The following LAMP2 variants were observed in gnomAD, a reference collection of about 807,000 sequenced individuals.
The protein encoded by LAMP2 is lysosome-associated membrane glycoprotein 2.
A neutral mutation model predicts 25.6 loss-of-function variants in LAMP2; 4 were observed. The ratio of observed to expected loss-of-function variants is 0.16; its 90% CI spans 0.08 to 0.36. The LOEUF (loss-of-function observed/expected upper bound fraction) is 0.36, where lower values mean the gene tolerates loss of function less well. LAMP2 is among the 10% of genes least tolerant of loss of function. The pLI is 1.00. For missense variants in LAMP2, 272 were observed against 301.4 expected (o/e 0.90, Z 0.72); for synonymous variants, 108 against 112.7 (o/e 0.96, Z 0.27).
At chrX:120,455,944 CA>C (rs57747255) in intron 2 of LAMP2, among the ~76,000 whole-genome samples, 10 of 92,377 alleles carry the variant, frequency 1.1e-4, no homozygotes, top group Admixed American at 1.2e-4. Context: ...CAGTTTGTGC[CA>C]AAAAAAAAAA....
chrX:120,442,972 G>A lies in LAMP2; in HGVS notation c.865-310C>T, dbSNP rs181144328. ...CTCACCACCTCTAGCCTGGATCACAGCAGCCTCTTAAGTGGGCTCCCTGCC... is the reference window on the plus strand; with the variant it reads ...CTCACCACCTCTAGCCTGGATCACAACAGCCTCTTAAGTGGGCTCCCTGCC... On this transcript the variant is annotated intron_variant, in intron 6 of 8. Coordinates refer to ENST00000200639, the MANE Select transcript of LAMP2 (RefSeq NM_002294.3). Among the ~76,000 whole-genome samples, 503 of 111,425 alleles carry A rather than the reference G, an allele frequency of 4.5e-3. 3 individuals carry two copies. Among genetic ancestry groups the A allele is most frequent in the African/African-American group, 0.016 (482 of 30,659 alleles).
At chrX:120,460,419 G>C (rs926885296) in intron 1 of LAMP2, among the ~76,000 whole-genome samples, 1 of 111,452 alleles carries the variant, frequency 9.0e-6, no homozygotes, top group Non-Finnish European at 1.9e-5. Context: ...CACTTCCAAA[G>C]CCCTCCTTAT....
At chrX:120,460,875 C>T (rs780190562) in intron 1 of LAMP2, among the ~76,000 whole-genome samples, 12 of 111,800 alleles carry the variant, frequency 1.1e-4, no homozygotes, top group Admixed American at 2.8e-4. Context: ...CGTTTGAACC[C>T]GGGAGGCAGA....
chrX:120,443,808 C>T (rs768922603), intron 6 of LAMP2, among the ~76,000 whole-genome samples: 4 of 110,885 alleles, frequency 3.6e-5, no homozygotes, highest in South Asian at 3.8e-4. Flanking sequence ...GGTGAAATCC[C>T]GTCTCTATTA....
At position 120,455,374 on chromosome X, in the gene LAMP2, G is replaced by C. The variant is rs1200950486; in HGVS notation, c.380C>G (p.Pro127Arg). ...AAGGTTACCTTTATCTTCAGCATCAGGAAATGTTGTGTTATCACCAGTGTT... is the reference window on the plus strand; with the variant it reads ...AAGGTTACCTTTATCTTCAGCATCACGAAATGTTGTGTTATCACCAGTGTT... ...SYNTGDNTTF[P>R]DAEDKGILTV... Residue 127 changes from proline to arginine, a missense_variant, in exon 3 of 9, where the codon CCT becomes CGT. By Grantham distance (103) the Pro-to-Arg change is moderately radical. Coordinates refer to ENST00000200639, the MANE Select transcript of LAMP2 (RefSeq NM_002294.3). 1.7e-6 allele frequency: 2 copies of C among 1,201,270 alleles called. No individual in the cohort carries two copies. Among genetic ancestry groups the C allele is most frequent in the Non-Finnish European group, 2.3e-6 (2 of 886,260 alleles).
chrX:120,449,749 G>C (rs1246421816), intron 3 of LAMP2, among the ~76,000 whole-genome samples: 1 of 112,210 alleles, frequency 8.9e-6, no homozygotes, highest in African/African-American at 3.2e-5. Context: ...AGCAGTCGAG[G>C]GCTAGCCTCA....
chrX:120,455,293 T>G, intron 3 of LAMP2, 64 bp downstream of exon 3: 1 of 933,994 alleles, frequency 1.1e-6, no homozygotes, highest in Non-Finnish European at 1.5e-6. Flanking sequence ...ATTTTAAAAT[T>G]GTTTACATTT....
At chrX:120,439,662 TTATA>T (rs780434437) in intron 8 of LAMP2, among the ~76,000 whole-genome samples, 5 of 109,880 alleles carry the variant, frequency 4.6e-5, no homozygotes, top group Admixed American at 1.9e-4. Flanking sequence ...AATGCACACA[TTATA>T]TATATGATAT....
At chrX:120,468,905 C>T (rs1921650543) in intron 1 of LAMP2, among the ~76,000 whole-genome samples, 1 of 111,801 alleles carries the variant, frequency 8.9e-6, no homozygotes, top group Non-Finnish European at 1.9e-5. Context: ...TTCTTACTCT[C>T]CTGGGCCCTT....
intron 2 of LAMP2, among the ~76,000 whole-genome samples, chrX:120,455,890 A>C: frequency 9.4e-6 from 1 of 106,557 alleles, no homozygotes; most frequent in East Asian, 3.0e-4. Flanking sequence ...AGGAGATGTC[A>C]AAAAGGGGGA....
In LAMP2 at chrX:120,439,280, C is replaced by T. The variant is rs149783672; in HGVS notation, c.1093+2450G>A. 1.8e-4 allele frequency: 216 copies of T among 1,206,301 alleles called. No individual in the cohort carries two copies. The highest frequency in any genetic ancestry group is 2.2e-4 in the Non-Finnish European group (198 of 892,127). On this transcript the variant is annotated intron_variant, in intron 8 of 8. Transcript: ENST00000200639. ...GGATTAGAATGGTGTCATCATCCAG[C>T]GAACACTCTTGGGCTGTAGGTGAGA...
chrX:120,438,547 A>G, intron 8 of LAMP2: 1 of 751,227 alleles, frequency 1.3e-6, no homozygotes, highest in Non-Finnish European at 1.6e-6. Context: ...AGCCACATAA[A>G]TACAAATGTA....
Position 120,441,864 on chromosome X carries a change from T to C in LAMP2, c.959A>G (p.Tyr320Cys), listed in dbSNP as rs1292531971. 2.5e-6 allele frequency: 3 copies of C among 1,210,287 alleles called. No homozygotes were observed. Among genetic ancestry groups the C allele is most frequent in the East Asian group, 5.9e-5 (2 of 33,835 alleles). Reference sequence around the variant, plus strand: ...AGAACTTCCCAGGGGGGCATCCCAGTAGCTGAGATTGTTATTTGCAATGCT... The same window carrying C: ...AGAACTTCCCAGGGGGGCATCCCAGCAGCTGAGATTGTTATTTGCAATGCT... Reference protein sequence around the residue: ...VFSIANNNLSYWDAPLGSSYM... With the variant: ...VFSIANNNLSCWDAPLGSSYM... Residue 320 changes from tyrosine (Y) to cysteine (C), a missense_variant, in exon 8 of 9, where the codon TAC becomes TGC. Transcript: ENST00000200639.
intron 3 of LAMP2, among the ~76,000 whole-genome samples, chrX:120,452,028 G>A (rs1036455569): frequency 1.8e-5 from 2 of 111,131 alleles, no homozygotes; most frequent in African/African-American, 6.5e-5. Flanking sequence ...CTGTAGTCCA[G>A]GCATTTATTA....
intron 1 of LAMP2, among the ~76,000 whole-genome samples, chrX:120,461,869 G>A (rs755309958): frequency 8.9e-6 from 1 of 112,040 alleles, no homozygotes; most frequent in South Asian, 3.7e-4. Flanking sequence ...CAGTCTTCTG[G>A]ATATTCCCTC....
intron 3 of LAMP2, among the ~76,000 whole-genome samples, chrX:120,451,471 T>C (rs1392309376): frequency 2.7e-5 from 3 of 110,542 alleles, no homozygotes; most frequent in Admixed American, 9.7e-5. Flanking sequence ...TTTGTTGTTG[T>C]TGGGGGTGGG....
chrX:120,429,242 T>C lies in LAMP2; in HGVS notation c.*2081A>G, dbSNP rs1443183037. The C allele has an allele frequency of 1.3e-6, 1 of 748,671 alleles. No homozygotes were observed. The highest frequency in any genetic ancestry group is 1.6e-6 in the Non-Finnish European group (1 of 638,990). The allele number at this position is 748,671 out of a possible 1,213,427, so 61.7% of individuals were successfully genotyped here. A position where few individuals can be genotyped will look rare whatever the true frequency, so the allele number is the denominator to read the frequency against. On this transcript the variant is annotated 3_prime_UTR_variant, in exon 9 of 9. Coordinates refer to ENST00000200639, the MANE Select transcript of LAMP2 (RefSeq NM_002294.3). ...AGAATAACAGCAGTATCTAATGCGT[T>C]GCAGTCCATTCCACCGAACCACCAG...
chrX:120,452,035 A>G (rs774191001), intron 3 of LAMP2, among the ~76,000 whole-genome samples: 54 of 111,191 alleles, frequency 4.9e-4, no homozygotes, highest in Non-Finnish European at 8.7e-4. Context: ...CCAGGCATTT[A>G]TTACATCAGC....
Position 120,428,766 on chromosome X carries a change from T to C in LAMP2, c.*2557A>G. ...GCATTACCTCTATTTTCTTATTTGC[T>C]CAATATCTCATTATCACTTTATCTA... On this transcript the variant is annotated 3_prime_UTR_variant, in exon 9 of 9. Coordinates refer to ENST00000200639, the MANE Select transcript of LAMP2 (RefSeq NM_002294.3). 9.5e-7 allele frequency: 1 copy of C among 1,047,712 alleles called. No homozygotes were observed. The highest frequency in any genetic ancestry group is 1.2e-6 in the Non-Finnish European group (1 of 819,046). 86.3% of individuals were successfully genotyped at this position (1,047,712 alleles called of 1,213,427 possible).
Sources: allele counts gnomAD v4.1 joint callset (sites outside exome capture counted in the v4.1 genomes callset), GRCh38; gene constraint gnomAD v4.1.1; transcripts MANE v1.5; gene names NCBI Gene and HGNC (gene_info 2026-07-23, HGNC 2026-07-21).